Variants in SDK2 observed in about 807,000 individuals in gnomAD.
The protein encoded by SDK2 is protein sidekick-2.
In SDK2, 105 loss-of-function variants were observed where a neutral mutation model predicts 253.9. The observed-to-expected ratio is 0.41, with a 90% CI of 0.35 to 0.49. SDK2 has a LOEUF of 0.49. Among genes scored for constraint, SDK2 ranks in the 20% least tolerant of loss-of-function variants. SDK2 has a pLI of 0.06. For synonymous variants in SDK2, 1,249 were observed against 1,234.9 expected, an observed-to-expected ratio of 1.01 and a Z score of -0.24; for missense variants, 2,608 against 3,003.0, an observed-to-expected ratio of 0.87 and a Z score of 3.07.
At chr17:73,391,971 A>C (rs1416349811) in intron 27 of SDK2, among the ~76,000 whole-genome samples, 1 of 150,042 alleles carries the variant, frequency 6.7e-6, no homozygotes, top group Non-Finnish European at 1.5e-5. Context: ...CTCTCTCTAG[A>C]CCTTGCTCTG....
intron 3 of SDK2, among the ~76,000 whole-genome samples, chr17:73,470,084 A>T (rs2063637316): frequency 6.6e-6 from 1 of 151,864 alleles, no homozygotes; most frequent in Non-Finnish European, 1.5e-5. Context: ...TACTCCAGAC[A>T]TGCACATCTG....
intron 1 of SDK2, among the ~76,000 whole-genome samples, chr17:73,615,862 CACAT>C (rs1373763949): frequency 1.6e-4 from 25 of 152,168 alleles, no homozygotes; most frequent in Admixed American, 6.5e-5. Context: ...TAACATACAA[CACAT>C]ACACACAACC....
rs1222559652 is a variant in SDK2 at position 73,338,991 on chromosome 17, A to G, written c.6166-51T>C. The G allele has an allele frequency of 8.4e-6, 13 of 1,538,506 alleles. No individual in the cohort carries two copies. Among genetic ancestry groups the G allele is most frequent in the Non-Finnish European group, 1.1e-5 (12 of 1,113,028 alleles). ...GTCAGTGGCCCCGTAGGGACAGGCC[A>G]TTGTGGTTGGGGCCGGAAGGCACAG... On this transcript the variant is annotated intron_variant, in intron 44 of 44. Coordinates refer to ENST00000392650, the MANE Select transcript of SDK2 (RefSeq NM_001144952.2). This position sits in a 1 kb window ranked among gnomAD's most constrained non-coding sequence, Gnocchi z 5.0.
intron 1 of SDK2, among the ~76,000 whole-genome samples, chr17:73,575,705 G>A (rs1055066449): frequency 3.9e-5 from 6 of 152,220 alleles, no homozygotes; most frequent in African/African-American, 1.4e-4. Flanking sequence ...TGTTGTCTTT[G>A]TAATTATGGA....
At chr17:73,457,654 A>G (rs2063538255) in intron 3 of SDK2, among the ~76,000 whole-genome samples, 1 of 151,878 alleles carries the variant, frequency 6.6e-6, no homozygotes, top group Non-Finnish European at 1.5e-5. Flanking sequence ...CCCAGCCTAC[A>G]TCACCCCAAG....
chr17:73,385,144 CT>C (rs1292957056), intron 32 of SDK2, among the ~76,000 whole-genome samples: 2 of 152,162 alleles, frequency 1.3e-5, no homozygotes, highest in Non-Finnish European at 2.9e-5. Context: ...GTGCTTTTAA[CT>C]TTTAGTAGAG....
In SDK2 at chr17:73,607,548, G is replaced by T. The variant is rs570907317; in HGVS notation, c.64+36477C>A. Among the ~76,000 whole-genome samples the T allele has an allele frequency of 9.2e-5, 14 of 152,320 alleles. No homozygotes were observed. The South Asian group carries it at 2.9e-3, about 32-fold the overall frequency. On this transcript the variant is annotated intron_variant, in intron 1 of 44. Coordinates refer to ENST00000392650, the MANE Select transcript of SDK2 (RefSeq NM_001144952.2). ...AGGGGTCTCGGGTGGGAGAGCAGGT[G>T]TCAGGAGTAGGCTACGGTGTTCAGT...
At position 73,385,939 on chromosome 17, in the gene SDK2, T is replaced by C. The variant is rs201358824; in HGVS notation, c.4499-22A>G. The C allele has an allele frequency of 8.4e-4, 1,328 of 1,576,082 alleles. 12 individuals are homozygous for C. The highest frequency in any genetic ancestry group is 1.3e-4 in the Non-Finnish European group (148 of 1,159,184). On this transcript the variant is annotated intron_variant, in intron 31 of 44. Coordinates refer to ENST00000392650, the MANE Select transcript of SDK2 (RefSeq NM_001144952.2). ...GGGGCTGTGGAGAGAAGCAGACAGG[T>C]GGGTTCTGGGGGCCGCAGCTTCAAG...
chr17:73,567,505 A>C (rs2045328591), intron 1 of SDK2, among the ~76,000 whole-genome samples: 1 of 152,242 alleles, frequency 6.6e-6, no homozygotes, highest in Non-Finnish European at 1.5e-5. Context: ...GAAGCTGTGG[A>C]AATGGGGCTA....
chr17:73,611,304 T>C (rs895680431), intron 1 of SDK2, among the ~76,000 whole-genome samples: 2 of 152,222 alleles, frequency 1.3e-5, no homozygotes, highest in African/African-American at 4.8e-5. Flanking sequence ...TCTCCTTTCC[T>C]GGCACTTTCT....
rs768688289 is a variant in SDK2 at position 73,338,663 on chromosome 17, C to T, written c.6443G>A (p.Ser2148Asn). Residue 2148 changes from serine to asparagine, a missense_variant, in exon 45 of 45, where the codon AGC becomes AAC. Physicochemically the swap from Ser to Asn is conservative, Grantham distance 46. Around this residue, in one of 2 missense-constraint regions of SDK2, gnomAD observed 1,103 missense variants for 1,143.9 expected, o/e 0.96. Transcript: ENST00000392650. The surrounding 1 kb of genome is among the most constrained non-coding windows in gnomAD (Gnocchi z 5.0). ...QNPPNPPSQQ[S>N]TLYRPPSSLA... ...GCTGCTGGGGGGACGGTAGAGGGTG[C>T]TCTGCTGACTTGGGGGGTTAGGGGG... 1 of 1,572,084 alleles carries T rather than the reference C, an allele frequency of 6.4e-7. No homozygotes were observed. The highest frequency in any genetic ancestry group is 8.6e-7 in the Non-Finnish European group (1 of 1,160,784).
At chr17:73,358,765 G>A (rs2062615048) in intron 39 of SDK2, among the ~76,000 whole-genome samples, 1 of 152,092 alleles carries the variant, frequency 6.6e-6, no homozygotes, top group South Asian at 2.1e-4. Flanking sequence ...AACCCCAACT[G>A]CATTTCCTAT....
Position 73,338,557 on chromosome 17 carries a change from T to C in SDK2, c.*30A>G, listed in dbSNP as rs915426944. On this transcript the variant is annotated 3_prime_UTR_variant, in exon 45 of 45. Transcript: ENST00000392650. This position sits in a 1 kb window ranked among gnomAD's most constrained non-coding sequence, Gnocchi z 5.0. ...GGGGTGAAGGAGGAGTTTGGTGCCATTTCTCTTTCTGCTTTTTCCTCTTCT... is the reference window on the plus strand; with the variant it reads ...GGGGTGAAGGAGGAGTTTGGTGCCACTTCTCTTTCTGCTTTTTCCTCTTCT... 3 of 1,355,794 alleles carry C rather than the reference T, an allele frequency of 2.2e-6. No homozygotes were observed. Among genetic ancestry groups the C allele is most frequent in the Non-Finnish European group, 3.0e-6 (3 of 1,001,208 alleles). The allele number at this position is 1,355,794 out of a possible 1,614,324, so 84.0% of individuals were successfully genotyped here. A position where few individuals can be genotyped will look rare whatever the true frequency, so the allele number is the denominator to read the frequency against.
At chr17:73,589,329 G>A (rs34914067) in intron 1 of SDK2, among the ~76,000 whole-genome samples, 13,806 of 152,344 alleles carry the variant, frequency 0.091, 863 homozygotes, top group Non-Finnish European at 0.14. Flanking sequence ...AGAGTTGTAG[G>A]TGCTCAAAGC....
intron 3 of SDK2, among the ~76,000 whole-genome samples, chr17:73,456,330 T>C (rs756521455): frequency 1.3e-5 from 2 of 152,120 alleles, no homozygotes; most frequent in African/African-American, 2.4e-5. Context: ...CATTTTACAA[T>C]GGAAAAAACT....
intron 1 of SDK2, among the ~76,000 whole-genome samples, chr17:73,513,326 A>T (rs779465183): frequency 3.3e-5 from 5 of 152,226 alleles, no homozygotes; most frequent in Non-Finnish European, 5.9e-5. Flanking sequence ...CGCAGAAGAG[A>T]ATTACAAATG....
chr17:73,352,591 C>T lies in SDK2; in HGVS notation c.5640G>A (p.Val1880=). 1.2e-6 allele frequency: 2 copies of T among 1,614,018 alleles called. No homozygotes were observed. The highest frequency in any genetic ancestry group is 1.7e-6 in the Non-Finnish European group (2 of 1,179,896). ...DILIKDIPKE[V]SSYTFSMDIL... Reference sequence around the variant, plus strand: ...TGTCCATGCTGAACGTGTAGGAGCTCACCTCCTTGGGGATGTCTTTGATGA... The same window carrying T: ...TGTCCATGCTGAACGTGTAGGAGCTTACCTCCTTGGGGATGTCTTTGATGA... Residue 1880 remains valine (V), a synonymous_variant, in exon 41 of 45, where the codon GTG becomes GTA. Transcript: ENST00000392650. The surrounding 1 kb of genome is among the most constrained non-coding windows in gnomAD (Gnocchi z 4.1).
At chr17:73,417,124 C>T (rs954858751) in intron 16 of SDK2, among the ~76,000 whole-genome samples, 17 of 151,758 alleles carry the variant, frequency 1.1e-4, no homozygotes, top group African/African-American at 4.1e-4. Flanking sequence ...GTGGATTGGG[C>T]CGGGCATGGT....
intron 1 of SDK2, among the ~76,000 whole-genome samples, chr17:73,543,068 G>T (rs1446686822): frequency 6.6e-6 from 1 of 152,182 alleles, no homozygotes; most frequent in East Asian, 1.9e-4. Flanking sequence ...CAAAAGAGGG[G>T]ATGGGAGAGG....
Sources: gnomAD v4.1 joint callset for allele counts (sites outside exome capture counted in the v4.1 genomes callset) on GRCh38, gnomAD v4.1.1 for gene constraint, gnomAD v4.1.1 regional missense constraint, Gnocchi (gnomAD v3.1) non-coding constraint, MANE v1.5 for transcripts, NCBI Gene and HGNC (gene_info 2026-07-23, HGNC 2026-07-21) for gene names.